RASGRF1: variants seen among roughly 807,000 people sequenced by gnomAD.
RASGRF1 encodes the protein ras-specific guanine nucleotide-releasing factor 1.
In RASGRF1, 40 loss-of-function variants were observed where a neutral mutation model predicts 138.7. The ratio of observed to expected loss-of-function variants is 0.29; its 90% CI spans 0.22 to 0.38. The LOEUF (loss-of-function observed/expected upper bound fraction) is 0.38, where lower values mean the gene tolerates loss of function less well. Among genes scored for constraint, RASGRF1 ranks in the 10% least tolerant of loss-of-function variants. The probability of loss-of-function intolerance (pLI) is 1.00; values close to 1 mark genes in which losing one functional copy is unlikely to be tolerated. For synonymous variants in RASGRF1, 614 were observed against 663.2 expected, an observed-to-expected ratio of 0.93 and a Z score of 1.14; for missense variants, 1,108 against 1,650.4, an observed-to-expected ratio of 0.67 and a Z score of 5.69.
intron 20 of RASGRF1, among the ~76,000 whole-genome samples, chr15:78,993,609 C>T (rs1039628555): frequency 6.6e-6 from 1 of 151,974 alleles, no homozygotes; most frequent in Admixed American, 6.5e-5. Context: ...GGGAGGGGAC[C>T]CTCAGCCTCT....
At chr15:78,965,892 A>G (rs768241017) in intron 26 of RASGRF1, among the ~76,000 whole-genome samples, 3 of 152,290 alleles carry the variant, frequency 2.0e-5, no homozygotes, top group Non-Finnish European at 4.4e-5. Flanking sequence ...TTGAGGCAGA[A>G]GGTAACACAG....
rs199748325 is a variant in RASGRF1, at chr15:79,004,178, G to A, written c.2076-3C>T. ...TGGCAAACAGGAGCTCCAGCGACCT[G>A]TGGGGAGGGCGGGGGTGAAAATGAC... On this transcript the variant is annotated splice_polypyrimidine_tract_variant and splice_region_variant and intron_variant, in intron 14 of 26. Coordinates refer to ENST00000558480, the MANE Select transcript of RASGRF1 (RefSeq NM_001145648.3). The A allele has an allele frequency of 8.3e-6, 13 of 1,565,984 alleles. No individual in the cohort carries two copies. In the African/African-American group the frequency reaches 1.5e-4, roughly 18 times the overall value.
chr15:78,997,930 A>G, intron 19 of RASGRF1, 166 bp downstream of exon 19: 2 of 617,316 alleles, frequency 3.2e-6, no homozygotes, highest in South Asian at 1.9e-5. Context: ...CCCAGCCCTG[A>G]GCCTGCCCCC....
intron 15 of RASGRF1, among the ~76,000 whole-genome samples, chr15:79,003,124 A>G (rs892471522): frequency 6.6e-6 from 1 of 152,240 alleles, no homozygotes; most frequent in Non-Finnish European, 1.5e-5. Flanking sequence ...TCAGCATTCC[A>G]GGTCTGCCTG....
chr15:79,040,986 CA>C (rs1378445306), intron 5 of RASGRF1, among the ~76,000 whole-genome samples: 1 of 152,154 alleles, frequency 6.6e-6, no homozygotes, highest in Non-Finnish European at 1.5e-5. Context: ...CTAACTCCAG[CA>C]ATGATAAAAA....
intron 4 of RASGRF1, among the ~76,000 whole-genome samples, chr15:79,047,714 T>C (rs908625092): frequency 2.0e-4 from 31 of 152,150 alleles, no homozygotes; most frequent in African/African-American, 7.0e-4. Flanking sequence ...TGGCAAGAAC[T>C]TGGGAAAGGG....
chr15:78,994,926 C>CTTTTTTT lies in RASGRF1; in HGVS notation c.3027+807_3027+813dup, dbSNP rs72369256. 5.1e-5 allele frequency among the ~76,000 whole-genome samples: 7 copies of CTTTTTTT among 136,058 alleles called. 2 individuals carry two copies. The highest frequency in any genetic ancestry group is 4.8e-5 in the Non-Finnish European group (3 of 62,784). 89.3% of individuals were successfully genotyped at this position (136,058 alleles called of 152,430 possible). On this transcript the variant is annotated intron_variant, in intron 20 of 26. Coordinates refer to ENST00000558480, the MANE Select transcript of RASGRF1 (RefSeq NM_001145648.3). ...GGAGGGAGCACAACCCTTCCAGCAC[C>CTTTTTTT]TTTTTTTTTTTTTTTTTTGAGATGG...
At chr15:79,079,492 T>C (rs1020065884) in intron 1 of RASGRF1, among the ~76,000 whole-genome samples, 2 of 148,396 alleles carry the variant, frequency 1.3e-5, no homozygotes, top group Non-Finnish European at 1.5e-5. Context: ...GTCCACACCA[T>C]GGAATACTAT....
Position 79,030,064 on chromosome 15 carries a change from A to G in RASGRF1, c.1262+1336T>C, listed in dbSNP as rs139726640. On this transcript the variant is annotated intron_variant, in intron 8 of 26. Coordinates refer to ENST00000558480, the MANE Select transcript of RASGRF1 (RefSeq NM_001145648.3). ...CACCTTCCTGCTTGGTGGTTTCGTTACTCTGCAATCACACCCTGATGACAT... is the reference window on the plus strand; with the variant it reads ...CACCTTCCTGCTTGGTGGTTTCGTTGCTCTGCAATCACACCCTGATGACAT... Among the ~76,000 whole-genome samples, 739 of 151,984 alleles carry G rather than the reference A, an allele frequency of 4.9e-3. 4 individuals are homozygous for G. Among genetic ancestry groups the G allele is most frequent in the African/African-American group, 0.016 (649 of 41,454 alleles).
intron 13 of RASGRF1, among the ~76,000 whole-genome samples, chr15:79,008,505 G>A (rs892306369): frequency 6.6e-6 from 1 of 152,216 alleles, no homozygotes; most frequent in African/African-American, 2.4e-5. Context: ...AGTATACACT[G>A]CATCTATGGG....
intron 19 of RASGRF1, among the ~76,000 whole-genome samples, chr15:78,996,499 T>C (rs2056395149): frequency 6.6e-6 from 1 of 152,088 alleles, no homozygotes; most frequent in African/African-American, 2.4e-5. Flanking sequence ...TTGTCGTGTA[T>C]ATCTTACAGC....
At chr15:78,990,803 G>T (rs537054933) in intron 21 of RASGRF1, among the ~76,000 whole-genome samples, 2 of 152,370 alleles carry the variant, frequency 1.3e-5, no homozygotes, top group South Asian at 4.1e-4. Context: ...GGCCGGGGAG[G>T]TGATTTGTGT....
At chr15:79,007,885 T>C (rs1308463906) in intron 13 of RASGRF1, among the ~76,000 whole-genome samples, 1 of 151,540 alleles carries the variant, frequency 6.6e-6, no homozygotes, top group Non-Finnish European at 1.5e-5. Flanking sequence ...TTTTCTGTTT[T>C]TTGAGATGGA....
chr15:78,980,607 G>A lies in RASGRF1; in HGVS notation c.3494+13C>T, dbSNP rs376776098. ...ATTTTAAAAATAACAGCGACAAAAC[G>A]ACACACACTTACTTTTTCAGAGCTT... On this transcript the variant is annotated intron_variant, in intron 24 of 26. Transcript: ENST00000558480. 8 of 1,582,642 alleles carry A rather than the reference G, an allele frequency of 5.1e-6. No homozygotes were observed. The highest frequency in any genetic ancestry group is 2.3e-5 in the East Asian group (1 of 44,440).
At chr15:79,068,585 T>C (rs1468557391) in intron 1 of RASGRF1, among the ~76,000 whole-genome samples, 1 of 148,394 alleles carries the variant, frequency 6.7e-6, no homozygotes, top group East Asian at 2.0e-4. Flanking sequence ...TATATATACA[T>C]ACATATATAT....
At chr15:78,988,644 TG>T (rs2056208814) in intron 22 of RASGRF1, among the ~76,000 whole-genome samples, 1 of 152,046 alleles carries the variant, frequency 6.6e-6, no homozygotes, top group Admixed American at 6.5e-5. Context: ...CTGGCCAAGG[TG>T]GTCAGGGCAA....
intron 24 of RASGRF1, among the ~76,000 whole-genome samples, chr15:78,977,000 C>T (rs1194590980): frequency 6.6e-6 from 1 of 152,240 alleles, no homozygotes; most frequent in Non-Finnish European, 1.5e-5. Flanking sequence ...TGACACCTGG[C>T]CTTGCCTGTG....
chr15:78,979,557 C>T (rs936011733), intron 24 of RASGRF1, among the ~76,000 whole-genome samples: 3 of 152,214 alleles, frequency 2.0e-5, no homozygotes, highest in Non-Finnish European at 2.9e-5. Context: ...GGAACACTCA[C>T]TCAAGGAAAG....
chr15:78,990,176 C>A lies in RASGRF1; in HGVS notation c.3216+13G>T, dbSNP rs750389165. 1 of 1,565,924 alleles carries A rather than the reference C, an allele frequency of 6.4e-7. No homozygotes were observed. Among genetic ancestry groups the A allele is most frequent in the Non-Finnish European group, 8.8e-7 (1 of 1,136,088 alleles). On this transcript the variant is annotated intron_variant, in intron 22 of 26. Transcript: ENST00000558480. ...AAAACCCCAGTGAGAGAGGCGCTCC[C>A]ATCCATACTCACGTCATTGAAGTGC... is the stretch of plus-strand genomic sequence containing the variant.
Sources: allele counts gnomAD v4.1 joint callset (sites outside exome capture counted in the v4.1 genomes callset), GRCh38; gene constraint gnomAD v4.1.1; transcripts MANE v1.5; gene names NCBI Gene and HGNC (gene_info 2026-07-23, HGNC 2026-07-21).